The following IDUA variants were observed in gnomAD, a reference collection of about 807,000 sequenced individuals.
IDUA encodes the protein alpha-L-iduronidase, also known as iduronidase alpha-L-.
Under a neutral mutation model 68.9 loss-of-function variants are expected in IDUA, and 65 were observed. The observed-to-expected ratio is 0.94, with a 90% CI of 0.77 to 1.16. The LOEUF is 1.16. IDUA is among the 50% of genes most tolerant of loss of function. The pLI is 0.00. For missense variants in IDUA, 1,046 were observed against 938.0 expected, an observed-to-expected ratio of 1.12 and a Z score of -1.50; for synonymous variants, 529 against 433.6, an observed-to-expected ratio of 1.22 and a Z score of -2.73.
rs1202823210 is a variant in IDUA, at chr4:1,001,195, T to C, written c.493+206T>C. 5.0e-6 allele frequency: 3 copies of C among 594,364 alleles called. No individual in the cohort carries two copies. In the African/African-American group the frequency reaches 5.8e-5, roughly 12 times the overall value. The allele number at this position is 594,364 out of a possible 1,614,324, so 36.8% of individuals were successfully genotyped here. The stretch of plus-strand genomic sequence containing the variant: ...GGCTGGGGGGTACTCCTGGGCTTGG[T>C]GGGTGGGCGAAGGCCCTGGGCCCCT... On this transcript the variant is annotated intron_variant, in intron 4 of 13. Transcript: ENST00000514224.
chr4:995,640 C>T (rs1714702936), intron 2 of IDUA, among the ~76,000 whole-genome samples: 1 of 152,246 alleles, frequency 6.6e-6, no homozygotes, highest in South Asian at 2.1e-4. Flanking sequence ...AGCCGAGGGT[C>T]TCGCAGAACC....
At chr4:1,001,178 G>A (rs1715049244) in intron 4 of IDUA, 189 bp downstream of exon 4, 5 of 623,830 alleles carry the variant, frequency 8.0e-6, no homozygotes, top group Admixed American at 2.7e-5. Context: ...CAGGCTGGGG[G>A]GTACTCCTGG....
chr4:994,460 C>T (rs1243227107), intron 2 of IDUA, among the ~76,000 whole-genome samples: 14 of 139,238 alleles, frequency 1.0e-4, no homozygotes, highest in African/African-American at 2.2e-4. Context: ...TTTTTTGAGA[C>T]GGAGTTTCGC....
intron 2 of IDUA, chr4:989,125 G>A (rs748668614): frequency 6.2e-7 from 1 of 1,606,650 alleles, no homozygotes; most frequent in Non-Finnish European, 8.5e-7. Flanking sequence ...GCCGGCCGCT[G>A]CGGGCACCAG....
chr4:1,003,794 G>A (rs565384731), intron 12 of IDUA, 169 bp downstream of exon 12: 41 of 832,100 alleles, frequency 4.9e-5, no homozygotes, highest in Admixed American at 3.7e-4. Flanking sequence ...CACGCGCCAG[G>A]CCCTGCCAGT....
Position 1,001,842 on chromosome 4 carries a change from G to A in IDUA, c.753G>A (p.Glu251=), listed in dbSNP as rs1471525812. ...CHDGTNFFTG[E]AGVRLDYISL... ...ACGGTACCAACTTCTTCACTGGGGA[G>A]GCGGGCGTGCGGCTGGACTACATCT... Residue 251 remains glutamate (E), a synonymous_variant, in exon 6 of 14, where the codon GAG becomes GAA. Coordinates refer to ENST00000514224, the MANE Select transcript of IDUA (RefSeq NM_000203.5). 1.9e-6 allele frequency: 3 copies of A among 1,601,268 alleles called. No individual in the cohort carries two copies. Among genetic ancestry groups the A allele is most frequent in the Non-Finnish European group, 2.6e-6 (3 of 1,175,560 alleles).
chr4:1,001,239 G>A, intron 4 of IDUA: 1 of 627,606 alleles, frequency 1.6e-6, no homozygotes, highest in East Asian at 2.7e-5. Context: ...GGGTACTCCT[G>A]GGCAGGCTGC....
chr4:993,637 G>T (rs374183198), intron 2 of IDUA, among the ~76,000 whole-genome samples: 16 of 152,324 alleles, frequency 1.1e-4, no homozygotes, highest in South Asian at 8.3e-4. Context: ...CTGCCGGGGG[G>T]GCTTAGGGAC....
At chr4:1,003,824 G>C in intron 12 of IDUA, 188 bp from the exon 13 acceptor site, 1 of 783,042 alleles carries the variant, frequency 1.3e-6, no homozygotes. Context: ...GTTCTCCTAG[G>C]GGACATGAGA....
rs768450577 is a variant in IDUA, at chr4:1,001,491, T to G, written c.517T>G (p.Ser173Ala). 6.2e-7 allele frequency: 1 copy of G among 1,613,140 alleles called. No individual in the cohort carries two copies. Among genetic ancestry groups the G allele is most frequent in the East Asian group, 2.2e-5 (1 of 44,872 alleles). The change falls in exon 5 of 14, where the codon TCC (serine) becomes GCC (alanine). Residue 173 changes from serine (S) to alanine (A), a missense_variant. Ser to Ala is a moderately conservative substitution (Grantham distance 99). Coordinates refer to ENST00000514224, the MANE Select transcript of IDUA (RefSeq NM_000203.5). Reference sequence around the variant, plus strand: ...AGGTAGGTACGGACTGGCGCATGTTTCCAAGTGGAACTTCGAGACGTGGAA... The same window carrying G: ...AGGTAGGTACGGACTGGCGCATGTTGCCAAGTGGAACTTCGAGACGTGGAA... ...YIGRYGLAHVSKWNFETWNEP... is the reference protein window; with the variant it reads ...YIGRYGLAHVAKWNFETWNEP...
At chr4:1,003,308 C>T in intron 10 of IDUA, 37 bp from the exon 11 acceptor site, 3 of 1,420,910 alleles carry the variant, frequency 2.1e-6, no homozygotes, top group Non-Finnish European at 2.7e-6. Context: ...GTCCCCAGCT[C>T]CCCTGGAGAA....
chr4:988,440 T>C, intron 2 of IDUA: 6 of 1,068,844 alleles, frequency 5.6e-6, no homozygotes, highest in Non-Finnish European at 6.8e-6. Context: ...ACCAGCAGGG[T>C]GGGCACCGGG....
chr4:991,634 G>A lies in IDUA; in HGVS notation c.299+3685G>A, dbSNP rs778224735. ...TTCAGCATCTCACGCAGACCCCGGG[G>A]TGCTGGGCGCTGCCGTCGGACCGGC... On this transcript the variant is annotated intron_variant, in intron 2 of 13. Transcript: ENST00000514224. 2 of 1,568,480 alleles carry A rather than the reference G, an allele frequency of 1.3e-6. No individual in the cohort carries two copies. Among genetic ancestry groups the A allele is most frequent in the African/African-American group, 1.3e-5 (1 of 74,350 alleles).
At chr4:993,603 C>G (rs3806756) in intron 2 of IDUA, among the ~76,000 whole-genome samples, 102,680 of 152,176 alleles carry the variant, frequency 0.67, 34,809 homozygotes, top group South Asian at 0.73. Context: ...TCCCAGGAGC[C>G]GCTGCAGCTG....
chr4:989,964 C>T lies in IDUA; in HGVS notation c.299+2015C>T, dbSNP rs554618177. Reference sequence around the variant, plus strand: ...CTGGGACCTGAGGGGGCATGAAACCCGTGGGGATGTCGCCAGCCACGCTCG... The same window carrying T: ...CTGGGACCTGAGGGGGCATGAAACCTGTGGGGATGTCGCCAGCCACGCTCG... On this transcript the variant is annotated intron_variant, in intron 2 of 13. Coordinates refer to ENST00000514224, the MANE Select transcript of IDUA (RefSeq NM_000203.5). 72 of 1,556,222 alleles carry T rather than the reference C, an allele frequency of 4.6e-5. No individual in the cohort carries two copies. In the Middle Eastern group the frequency reaches 2.7e-3, roughly 58 times the overall value.
chr4:987,315 T>TATCATTAAAAAA, intron 1 of IDUA, 73 bp downstream of exon 1: 1 of 1,371,942 alleles, frequency 7.3e-7, no homozygotes, highest in East Asian at 2.8e-5. Context: ...CTGCGCACTG[T>TATCATTAAAAAA]GAGAGCTTCA....
chr4:989,013 G>C (rs1306749431), intron 2 of IDUA: 1 of 1,589,052 alleles, frequency 6.3e-7, no homozygotes, highest in Non-Finnish European at 8.6e-7. Flanking sequence ...GCAGCAGGCT[G>C]ATGCCCAGGG....
intron 2 of IDUA, 137 bp from the exon 3 acceptor site, chr4:1,000,475 G>A (rs1715004584): frequency 1.4e-6 from 1 of 721,610 alleles, no homozygotes; most frequent in East Asian, 2.6e-5. Flanking sequence ...AAGGGGAAGG[G>A]CCCCTCGGGA....
chr4:989,053 G>C, intron 2 of IDUA: 1 of 1,585,308 alleles, frequency 6.3e-7, no homozygotes, highest in Non-Finnish European at 8.6e-7. Context: ...GTCCTGCAGC[G>C]TGCTCACACC....
Sources: allele counts gnomAD v4.1 joint callset (sites outside exome capture counted in the v4.1 genomes callset), GRCh38; gene constraint gnomAD v4.1.1; transcripts MANE v1.5; gene names NCBI Gene and HGNC (gene_info 2026-07-23, HGNC 2026-07-21).